The following TXK variants were observed in gnomAD, a reference collection of about 807,000 sequenced individuals.
TXK encodes the protein tyrosine-protein kinase TXK.
A neutral mutation model predicts 81.0 loss-of-function variants in TXK; 60 were observed. The observed-to-expected ratio is 0.74, with a 90% CI of 0.60 to 0.92. The LOEUF (loss-of-function observed/expected upper bound fraction) is 0.92, where lower values mean the gene tolerates loss of function less well. Among genes scored for constraint, TXK ranks in the 40% least tolerant of loss-of-function variants. The pLI is 0.00. For synonymous variants in TXK, 203 were observed against 210.7 expected, an observed-to-expected ratio of 0.96 and a Z score of 0.32; for missense variants, 581 against 638.3, an observed-to-expected ratio of 0.91 and a Z score of 0.97.
chr4:48,068,073 A>G (rs1354336360), intron 14 of TXK, among the ~76,000 whole-genome samples: 1 of 152,226 alleles, frequency 6.6e-6, no homozygotes, highest in Non-Finnish European at 1.5e-5. Context: ...ACCTGCAAAC[A>G]CTAGCCACAT....
chr4:48,069,336 T>C (rs73244478), intron 14 of TXK, among the ~76,000 whole-genome samples: 2 of 42,382 alleles, frequency 4.7e-5, no homozygotes, highest in East Asian at 1.2e-3. Context: ...CTTTTTTTTT[T>C]TTTTTTTTTG....
intron 1 of TXK, among the ~76,000 whole-genome samples, chr4:48,129,215 T>C (rs951229635): frequency 1.3e-5 from 2 of 152,216 alleles, no homozygotes; most frequent in Non-Finnish European, 2.9e-5. Flanking sequence ...TTCGCACGTG[T>C]GTGCACTTTT....
chr4:48,112,203 A>G (rs1718654239), intron 4 of TXK, 104 bp downstream of exon 4: 3 of 1,064,856 alleles, frequency 2.8e-6, no homozygotes, highest in Non-Finnish European at 1.4e-6. Context: ...GAGAGGGGAC[A>G]GATTCCATTT....
intron 2 of TXK, among the ~76,000 whole-genome samples, chr4:48,113,587 G>A (rs1718710515): frequency 6.6e-6 from 1 of 152,084 alleles, no homozygotes; most frequent in South Asian, 2.1e-4. Flanking sequence ...GCATCTTCAG[G>A]GCATAAAGTT....
chr4:48,097,991 C>T lies in TXK; in HGVS notation c.502-2769G>A, dbSNP rs564084124. On this transcript the variant is annotated intron_variant, in intron 6 of 14. Coordinates refer to ENST00000264316, the MANE Select transcript of TXK (RefSeq NM_003328.3). ...CTCGATCTCCTCACCTTGCGATCCG[C>T]CCGCCTCGGCCTCCCAAAGTGCTGG... 1.2e-4 allele frequency among the ~76,000 whole-genome samples: 19 copies of T among 152,264 alleles called. No homozygotes were observed. In the East Asian group the frequency reaches 2.9e-3, roughly 23 times the overall value.
intron 13 of TXK, among the ~76,000 whole-genome samples, chr4:48,072,373 T>C (rs1184368053): frequency 6.6e-6 from 1 of 152,190 alleles, no homozygotes; most frequent in Non-Finnish European, 1.5e-5. Context: ...TGCCATTCCA[T>C]AGAAACTGAC....
In TXK at chr4:48,134,198, A is replaced by G; in HGVS notation, c.-28T>C. 6.2e-7 allele frequency: 1 copy of G among 1,612,750 alleles called. No homozygotes were observed. Among genetic ancestry groups the G allele is most frequent in the Non-Finnish European group, 8.5e-7 (1 of 1,179,424 alleles). ...TAGCCCCTTCTGCGGGGAGCACACA[A>G]CAGTCTTCAGTTCTTCTGCGGTGCT... On this transcript the variant is annotated 5_prime_UTR_variant, in exon 1 of 15. Coordinates refer to ENST00000264316, the MANE Select transcript of TXK (RefSeq NM_003328.3).
Position 48,134,164 on chromosome 4 carries a change from G to T in TXK, c.7C>A (p.Leu3Ile). The T allele has an allele frequency of 1.2e-6, 2 of 1,613,374 alleles. No individual in the cohort carries two copies. Among genetic ancestry groups the T allele is most frequent in the Non-Finnish European group, 1.7e-6 (2 of 1,179,708 alleles). Residue 3 changes from leucine to isoleucine, a missense_variant, in exon 1 of 15, where the codon CTT becomes ATT. Transcript: ENST00000264316. MI[L>I]SSYNTIQSVF... ...AGCCCATCTTACTCACAGGAGGAAAGGATCATGGTAGCCCCTTCTGCGGGG... is the reference window on the plus strand; with the variant it reads ...AGCCCATCTTACTCACAGGAGGAAATGATCATGGTAGCCCCTTCTGCGGGG...
At chr4:48,093,519 G>C (rs1717859401) in intron 8 of TXK, among the ~76,000 whole-genome samples, 1 of 152,208 alleles carries the variant, frequency 6.6e-6, no homozygotes, top group Non-Finnish European at 1.5e-5. Flanking sequence ...ACAGATGATA[G>C]GTTTGCACAA....
At chr4:48,107,386 C>T (rs572706366) in intron 5 of TXK, among the ~76,000 whole-genome samples, 1 of 151,470 alleles carries the variant, frequency 6.6e-6, no homozygotes, top group Non-Finnish European at 1.5e-5. Context: ...ATACCCCACC[C>T]TCCCCCCAAA....
chr4:48,100,577 G>A (rs1035954264), intron 6 of TXK, among the ~76,000 whole-genome samples: 1 of 152,156 alleles, frequency 6.6e-6, no homozygotes, highest in East Asian at 1.9e-4. Context: ...AAACAGACTC[G>A]CTTACATTTC....
intron 1 of TXK, among the ~76,000 whole-genome samples, chr4:48,118,789 G>A (rs1218175906): frequency 1.3e-5 from 2 of 152,138 alleles, no homozygotes; most frequent in East Asian, 3.8e-4. Context: ...CCAGCAGAGG[G>A]TATCTCTGGA....
chr4:48,097,144 G>T (rs1365639874), intron 6 of TXK, among the ~76,000 whole-genome samples: 5 of 151,884 alleles, frequency 3.3e-5, no homozygotes, highest in Non-Finnish European at 7.4e-5. Context: ...TCAAAATCTG[G>T]TTGCTTAGGG....
chr4:48,095,240 T>G lies in TXK; in HGVS notation c.502-18A>C. 6.3e-7 allele frequency: 1 copy of G among 1,595,208 alleles called. No homozygotes were observed. ...TCTTTAGACTGCAAAAAAAATCATTTATTGAATAAGTCTATTCCTTCTTAG... is the reference window on the plus strand; with the variant it reads ...TCTTTAGACTGCAAAAAAAATCATTGATTGAATAAGTCTATTCCTTCTTAG... On this transcript the variant is annotated intron_variant, in intron 6 of 14. Coordinates refer to ENST00000264316, the MANE Select transcript of TXK (RefSeq NM_003328.3).
intron 1 of TXK, among the ~76,000 whole-genome samples, chr4:48,129,218 G>A (rs1719176907): frequency 6.6e-6 from 1 of 152,148 alleles, no homozygotes; most frequent in East Asian, 1.9e-4. Flanking sequence ...GCACGTGTGT[G>A]CACTTTTCCT....
In TXK at chr4:48,112,338, G is replaced by T. The variant is rs557414922; in HGVS notation, c.349C>A (p.Pro117Thr). ...CGGTCTCTTGCCTTCCACCAGTGAG[G>T]ATTGTATTTCTCCAGTATCAGGTAT... is the stretch of plus-strand genomic sequence containing the variant. ...EEYLILEKYN[P>T]HWWKARDRLG... The change falls in exon 4 of 15, where the codon CCT becomes ACT. Residue 117 changes from proline to threonine, a missense_variant. Transcript: ENST00000264316. The T allele has an allele frequency of 2.5e-6, 4 of 1,614,182 alleles. No homozygotes were observed. Among genetic ancestry groups the T allele is most frequent in the Non-Finnish European group, 3.4e-6 (4 of 1,180,028 alleles).
intron 1 of TXK, among the ~76,000 whole-genome samples, chr4:48,129,282 G>C (rs1719178762): frequency 6.6e-6 from 1 of 152,136 alleles, no homozygotes; most frequent in Non-Finnish European, 1.5e-5. Flanking sequence ...AGAGATGTTA[G>C]TTTTTCTAAA....
At position 48,123,700 on chromosome 4, in the gene TXK, G is replaced by A. The variant is rs372833884; in HGVS notation, c.17-9298C>T. Among the ~76,000 whole-genome samples the A allele has an allele frequency of 9.2e-5, 14 of 152,248 alleles. No individual in the cohort carries two copies. In the South Asian group the frequency reaches 2.5e-3, roughly 27 times the overall value. On this transcript the variant is annotated intron_variant, in intron 1 of 14. Transcript: ENST00000264316. The stretch of plus-strand genomic sequence containing the variant: ...CCTTACCAACAAAGGGCTAGTAAGC[G>A]GGGAGCCAGGATTTGAACCTGAATC...
At chr4:48,107,735 G>T (rs1360767139) in intron 5 of TXK, among the ~76,000 whole-genome samples, 1 of 151,536 alleles carries the variant, frequency 6.6e-6, no homozygotes, top group Non-Finnish European at 1.5e-5. Context: ...CCCCGCCCCA[G>T]GCTCCAGTGT....
Sources: gnomAD v4.1 joint callset for allele counts (sites outside exome capture counted in the v4.1 genomes callset) on GRCh38, gnomAD v4.1.1 for gene constraint, MANE v1.5 for transcripts, NCBI Gene and HGNC (gene_info 2026-07-23, HGNC 2026-07-21) for gene names.